ATF7IP2: variants seen among roughly 807,000 people sequenced by gnomAD.
ATF7IP2 encodes the protein activating transcription factor 7-interacting protein 2.
Under a neutral mutation model 64.2 loss-of-function variants are expected in ATF7IP2, and 42 were observed. The observed-to-expected ratio is 0.65, with a 90% CI of 0.51 to 0.85. ATF7IP2 has a LOEUF of 0.85. Ranked by LOEUF, ATF7IP2 falls within the 40% of genes least tolerant of loss-of-function variation. The pLI, the probability that ATF7IP2 is intolerant of heterozygous loss-of-function variation, is 0.00. For synonymous variants in ATF7IP2, 308 were observed against 272.8 expected, an observed-to-expected ratio of 1.13 and a Z score of -1.27; for missense variants, 933 against 784.2, an observed-to-expected ratio of 1.19 and a Z score of -2.27.
chr16:10,452,370 C>A (rs1389291319), intron 8 of ATF7IP2, among the ~76,000 whole-genome samples: 1 of 152,142 alleles, frequency 6.6e-6, no homozygotes, highest in Non-Finnish European at 1.5e-5. Flanking sequence ...CTGTCAGGCC[C>A]CTGTGGTGCA....
chr16:10,390,690 G>GAGGC (rs2141731551), intron 1 of ATF7IP2, among the ~76,000 whole-genome samples: 1 of 152,284 alleles, frequency 6.6e-6, no homozygotes, highest in South Asian at 2.1e-4. Context: ...TTGGGAGGCT[G>GAGGC]AGGCAGTAGG....
rs2049897712 is a variant in ATF7IP2 at position 10,473,819 on chromosome 16, G to T, written c.1483-104G>T. 2.0e-5 allele frequency: 15 copies of T among 746,690 alleles called. No homozygotes were observed. In the South Asian group the frequency reaches 3.3e-4, roughly 16 times the overall value. The allele number at this position is 746,690 out of a possible 1,614,324, so 46.3% of individuals were successfully genotyped here. ...ATGTTCCATCTCTAGTTTCCGAATG[G>T]TGATTTAAAATTACCATTTAAAATT... On this transcript the variant is annotated intron_variant, in intron 11 of 13. Coordinates refer to ENST00000562102, the MANE Select transcript of ATF7IP2 (RefSeq NM_001393719.1).
chr16:10,431,297 T>G lies in ATF7IP2; in HGVS notation c.677T>G (p.Phe226Cys), dbSNP rs1248561606. Residue 226 changes from phenylalanine to cysteine, a missense_variant, in exon 5 of 14, where the codon TTT becomes TGT. Transcript: ENST00000562102. ...ATTTTATGTTCAGAAGACTCAGGTT[T>G]TGTGCCTGTTGAGAAAACACCTAAT... ...DNILCSEDSG[F>C]VPVEKTPNLV... 6.2e-7 allele frequency: 1 copy of G among 1,614,090 alleles called. No homozygotes were observed. Among genetic ancestry groups the G allele is most frequent in the Non-Finnish European group, 8.5e-7 (1 of 1,180,038 alleles).
chr16:10,411,578 C>G (rs919827511), intron 1 of ATF7IP2, among the ~76,000 whole-genome samples: 1 of 152,004 alleles, frequency 6.6e-6, no homozygotes, highest in African/African-American at 2.4e-5. Context: ...CCATGTTGGC[C>G]AGGCTGGTTT....
chr16:10,389,769 C>T (rs2047285049), intron 1 of ATF7IP2, among the ~76,000 whole-genome samples: 1 of 152,132 alleles, frequency 6.6e-6, no homozygotes, highest in South Asian at 2.1e-4. Flanking sequence ...ATTGATAAAA[C>T]TTGAAAAAAG....
At chr16:10,433,503 C>T (rs777756775) in intron 5 of ATF7IP2, 22 bp from the exon 6 acceptor site, 1 of 1,598,174 alleles carries the variant, frequency 6.3e-7, no homozygotes, top group Non-Finnish European at 8.5e-7. Context: ...ATCTTTCTTT[C>T]TAATCTTTTG....
intron 7 of ATF7IP2, 113 bp from the exon 8 acceptor site, chr16:10,440,251 T>G: frequency 6.2e-6 from 3 of 487,522 alleles, no homozygotes; most frequent in South Asian, 9.4e-5. Context: ...AATTTTTCAT[T>G]TGGGTAGATG....
At chr16:10,387,169 A>T (rs930953690) in intron 1 of ATF7IP2, 1 of 152,256 alleles carries the variant, frequency 6.6e-6, no homozygotes, top group Non-Finnish European at 1.5e-5. Context: ...CGACATAACT[A>T]TTTGCAAAAC....
At chr16:10,450,087 A>T (rs1387800579) in intron 8 of ATF7IP2, among the ~76,000 whole-genome samples, 1 of 152,146 alleles carries the variant, frequency 6.6e-6, no homozygotes, top group Non-Finnish European at 1.5e-5. Context: ...TCCATTAGTC[A>T]TTCAGGAGCA....
intron 9 of ATF7IP2, among the ~76,000 whole-genome samples, chr16:10,464,081 G>T (rs2049468317): frequency 6.6e-6 from 1 of 151,792 alleles, no homozygotes; most frequent in Non-Finnish European, 1.5e-5. Context: ...TTGGATCTTG[G>T]TCTCTCTAGT....
At chr16:10,479,404 A>G (rs964587116) in intron 12 of ATF7IP2, among the ~76,000 whole-genome samples, 2 of 152,162 alleles carry the variant, frequency 1.3e-5, no homozygotes, top group Non-Finnish European at 2.9e-5. Flanking sequence ...CGCAAGAACA[A>G]AAAACCAAAC....
In ATF7IP2 at chr16:10,472,638, C is replaced by T. The variant is rs140305182; in HGVS notation, c.1426+455C>T. On this transcript the variant is annotated intron_variant, in intron 10 of 13. Coordinates refer to ENST00000562102, the MANE Select transcript of ATF7IP2 (RefSeq NM_001393719.1). ...TGGGAGGCTGAGGCAGGCAGATCACCTGAGGTCAGGAGTTCAAGACCAGCC... is the reference window on the plus strand; with the variant it reads ...TGGGAGGCTGAGGCAGGCAGATCACTTGAGGTCAGGAGTTCAAGACCAGCC... 8.1e-3 allele frequency among the ~76,000 whole-genome samples: 1,230 copies of T among 152,104 alleles called. 12 individuals are homozygous for T. The highest frequency in any genetic ancestry group is 0.028 in the African/African-American group (1,147 of 41,510).
intron 1 of ATF7IP2, among the ~76,000 whole-genome samples, chr16:10,398,202 G>A (rs1031508352): frequency 2.0e-5 from 3 of 151,990 alleles, no homozygotes; most frequent in African/African-American, 7.3e-5. Flanking sequence ...AACTCGGGAG[G>A]CTGAGGCAGG....
intron 8 of ATF7IP2, among the ~76,000 whole-genome samples, chr16:10,444,754 C>T (rs940455623): frequency 1.3e-5 from 2 of 152,116 alleles, no homozygotes; most frequent in Non-Finnish European, 2.9e-5. Flanking sequence ...GTATGATATT[C>T]CCAATTTATT....
At chr16:10,413,914 G>A (rs1272663823) in intron 1 of ATF7IP2, among the ~76,000 whole-genome samples, 2 of 152,124 alleles carry the variant, frequency 1.3e-5, no homozygotes, top group Non-Finnish European at 2.9e-5. Flanking sequence ...TTATGTGATA[G>A]GTTTTCCTTT....
chr16:10,473,682 G>A (rs1021840876), intron 11 of ATF7IP2, 148 bp downstream of exon 11: 24 of 672,986 alleles, frequency 3.6e-5, no homozygotes, highest in African/African-American at 3.3e-4. Context: ...AATTCATAAC[G>A]ATACTCATTT....
intron 1 of ATF7IP2, among the ~76,000 whole-genome samples, chr16:10,392,154 A>G (rs1288520152): frequency 1.3e-5 from 2 of 150,164 alleles, no homozygotes; most frequent in Admixed American, 1.3e-4. Flanking sequence ...CCCAGGTTCA[A>G]GTGATTCTCT....
chr16:10,443,382 AC>A (rs2048694929), intron 8 of ATF7IP2, among the ~76,000 whole-genome samples: 2 of 152,078 alleles, frequency 1.3e-5, no homozygotes, highest in South Asian at 4.1e-4. Flanking sequence ...ATGACTTATT[AC>A]CCCAGGCTGT....
chr16:10,466,095 T>C (rs1468554884), intron 9 of ATF7IP2, among the ~76,000 whole-genome samples: 1 of 152,234 alleles, frequency 6.6e-6, no homozygotes, highest in Non-Finnish European at 1.5e-5. Flanking sequence ...TTTGCCTTTA[T>C]AGAAATGGAA....
Sources: gnomAD v4.1 joint callset for allele counts (sites outside exome capture counted in the v4.1 genomes callset) on GRCh38, gnomAD v4.1.1 for gene constraint, MANE v1.5 for transcripts, NCBI Gene and HGNC (gene_info 2026-07-23, HGNC 2026-07-21) for gene names.